The following CEP76 variants were observed in gnomAD, a reference collection of about 807,000 sequenced individuals.
CEP76 encodes centrosomal protein 76.
CEP76 carries 55 observed loss-of-function variants against 83.3 expected under a neutral mutation model. That is an observed-to-expected ratio of 0.66 (90% CI 0.53 to 0.83). CEP76 has a LOEUF of 0.83. Ranked by LOEUF, CEP76 falls within the 40% of genes least tolerant of loss-of-function variation. The pLI is 0.00. For synonymous variants in CEP76, 270 were observed against 274.5 expected (o/e 0.98, Z 0.16); for missense variants, 694 against 799.5 (o/e 0.87, Z 1.59).
At chr18:12,677,124 C>T (rs1427975903) in intron 10 of CEP76, among the ~76,000 whole-genome samples, 1 of 152,052 alleles carries the variant, frequency 6.6e-6, no homozygotes, top group Non-Finnish European at 1.5e-5. Context: ...TTCTTAAAAG[C>T]ACTTTACAAA....
rs1466331337 is a variant in CEP76, at chr18:12,678,117, G to A, written c.1615C>T (p.His539Tyr). 2 of 1,609,588 alleles carry A rather than the reference G, an allele frequency of 1.2e-6. No individual in the cohort carries two copies. Among genetic ancestry groups the A allele is most frequent in the East Asian group, 2.2e-5 (1 of 44,804 alleles). Residue 539 changes from histidine (H) to tyrosine (Y), a missense_variant, in exon 10 of 12, where the codon CAC (histidine) becomes TAC (tyrosine). Physicochemically the swap from His to Tyr is moderately conservative, Grantham distance 83. Coordinates refer to ENST00000262127, the MANE Select transcript of CEP76 (RefSeq NM_024899.4). ...ATTTCAGTGTGAATTACCTTCCTGT[G>A]TTCTGACACCAGGAGCCTCAGCTGC... is the stretch of plus-strand genomic sequence containing the variant. ...EMQLRLLVSE[H>Y]RKDLGLTTVW...
downstream of CEP76, among the ~76,000 whole-genome samples, chr18:12,672,407 C>T (rs73407561): frequency 9.4e-3 from 1,430 of 152,302 alleles, 25 homozygotes; most frequent in African/African-American, 0.033. Flanking sequence ...TAAACCACTA[C>T]GCCGAGCCTT....
downstream of CEP76, among the ~76,000 whole-genome samples, chr18:12,667,890 A>ATTTTTTT: frequency 6.8e-6 from 1 of 147,544 alleles, no homozygotes; most frequent in African/African-American, 2.5e-5. Flanking sequence ...AGAAAGCAGT[A>ATTTTTTT]AGGGAGAAAC....
At position 12,699,326 on chromosome 18, in the gene CEP76, A is replaced by G; in HGVS notation, c.296-123T>C. ...ATACCAAAGACTAAAAAAAAAGCAA[A>G]AGAGTAACAAATTTATTACTGTATA... On this transcript the variant is annotated intron_variant, in intron 3 of 11. Coordinates refer to ENST00000262127, the MANE Select transcript of CEP76 (RefSeq NM_024899.4). The G allele has an allele frequency of 4.6e-6, 3 of 653,080 alleles. No homozygotes were observed. In the South Asian group the frequency reaches 6.3e-5, roughly 14 times the overall value. 40.5% of individuals were successfully genotyped at this position (653,080 alleles called of 1,614,324 possible).
At chr18:12,669,415 A>AT (rs1041000290), downstream of CEP76, among the ~76,000 whole-genome samples, 3 of 151,300 alleles carry the variant, frequency 2.0e-5, no homozygotes, top group Non-Finnish European at 4.4e-5. Flanking sequence ...CCTGGCCCCA[A>AT]TTTTTTTTAT....
downstream of CEP76, among the ~76,000 whole-genome samples, chr18:12,668,461 CAT>C (rs950655995): frequency 2.0e-5 from 3 of 151,274 alleles, no homozygotes; most frequent in Admixed American, 1.3e-4. Context: ...ATTAGCTGGG[CAT>C]AGTGGTGTGC....
chr18:12,681,177 AAC>A (rs1160519476), intron 8 of CEP76, among the ~76,000 whole-genome samples: 5 of 151,394 alleles, frequency 3.3e-5, no homozygotes, highest in Non-Finnish European at 7.4e-5. Flanking sequence ...CAGCCTCAGC[AAC>A]AGAGTAAGAC....
At chr18:12,684,787 G>C (rs2039480827) in intron 8 of CEP76, 1 of 151,330 alleles carries the variant, frequency 6.6e-6, no homozygotes, top group South Asian at 2.1e-4. Context: ...CTGGCCTAAA[G>C]ATAGTTTTAC....
chr18:12,671,556 CTTTTTAAAGTTTACTT>C (rs932298758), downstream of CEP76, among the ~76,000 whole-genome samples: 53 of 149,508 alleles, frequency 3.5e-4, no homozygotes, highest in Admixed American at 4.0e-4. Context: ...AATTGCTACT[CTTTTTAAAGTTTACTT>C]TTGTTCACTT....
At position 12,673,412 on chromosome 18, in the gene CEP76, A is replaced by G. The variant is rs780012350; in HGVS notation, c.1933T>C (p.Cys645Arg). The change falls in exon 12 of 12, where the codon TGT becomes CGT. Residue 645 changes from cysteine to arginine, a missense_variant. Cys to Arg is a radical substitution (Grantham distance 180). Transcript: ENST00000262127. ...CAAGCAAACATGATCCAAACAGCAC[A>G]TGCAGATTCAGGGTAAGTAAATACT... The part of the protein sequence containing the change: ...VRVFTYPESA[C>R]AVWIMFACKY... The G allele has an allele frequency of 6.2e-7, 1 of 1,607,942 alleles. No individual in the cohort carries two copies.
intron 6 of CEP76, among the ~76,000 whole-genome samples, chr18:12,694,936 C>T (rs898399790): frequency 3.3e-5 from 5 of 151,646 alleles, no homozygotes; most frequent in South Asian, 4.2e-4. Context: ...AGGATGGTCA[C>T]GATCTCCTGA....
intron 7 of CEP76, among the ~76,000 whole-genome samples, chr18:12,689,962 T>C (rs1461525714): frequency 6.6e-6 from 1 of 152,198 alleles, no homozygotes; most frequent in African/African-American, 2.4e-5. Flanking sequence ...CTAATTTTTG[T>C]ATTTTTAGTA....
chr18:12,683,980 A>T (rs1412064025), intron 8 of CEP76, among the ~76,000 whole-genome samples: 1 of 150,480 alleles, frequency 6.6e-6, no homozygotes, highest in African/African-American at 2.4e-5. Context: ...TACAGTAAAA[A>T]ATCTAAATAT....
downstream of CEP76, among the ~76,000 whole-genome samples, chr18:12,671,646 T>C (rs868633391): frequency 9.8e-5 from 13 of 132,670 alleles, no homozygotes; most frequent in African/African-American, 3.7e-4. Flanking sequence ...CACTTTCTTT[T>C]TTTTTTTTTT....
chr18:12,680,052 CAAA>C (rs560841557), intron 9 of CEP76, among the ~76,000 whole-genome samples: 2 of 87,434 alleles, frequency 2.3e-5, no homozygotes, highest in Admixed American at 1.3e-4. Flanking sequence ...TGAGACACTG[CAAA>C]AAAAAAAAAA....
At position 12,677,422 on chromosome 18, in the gene CEP76, G is replaced by A. The variant is rs190955833; in HGVS notation, c.1623+687C>T. On this transcript the variant is annotated intron_variant, in intron 10 of 11. Transcript: ENST00000262127. Reference sequence around the variant, plus strand: ...CACTGTGCCAAGATCACGCCACTGCGCTCCAGCCTGGGTGACAGAGCGAGA... The same window carrying A: ...CACTGTGCCAAGATCACGCCACTGCACTCCAGCCTGGGTGACAGAGCGAGA... Among the ~76,000 whole-genome samples the A allele has an allele frequency of 5.1e-4, 69 of 136,506 alleles. 1 individual carries two copies. In the East Asian group the frequency reaches 0.015, roughly 29 times the overall value. 89.6% of individuals were successfully genotyped at this position (136,506 alleles called of 152,430 possible). A position where few individuals can be genotyped will look rare whatever the true frequency, so the allele number is the denominator to read the frequency against.
chr18:12,681,461 G>A (rs761193348), intron 8 of CEP76, among the ~76,000 whole-genome samples: 14 of 151,764 alleles, frequency 9.2e-5, no homozygotes, highest in Non-Finnish European at 2.1e-4. Context: ...TGTTACCCAG[G>A]CTGCTCTTGA....
In CEP76 at chr18:12,687,254, T is replaced by C. The variant is rs74876659; in HGVS notation, c.934-804A>G. 8.8e-3 allele frequency among the ~76,000 whole-genome samples: 1,338 copies of C among 152,278 alleles called. 26 individuals carry two copies. Among genetic ancestry groups the C allele is most frequent in the African/African-American group, 0.03 (1,231 of 41,538 alleles). ...ACCCAGCCAAAAGAAACACCATCTG[T>C]TTGAATTATCAGAACCACTGATGTC... is the stretch of plus-strand genomic sequence containing the variant. On this transcript the variant is annotated intron_variant, in intron 7 of 11. Transcript: ENST00000262127.
intron 11 of CEP76, among the ~76,000 whole-genome samples, 192 bp from the exon 12 acceptor site, chr18:12,673,695 C>A (rs549384161): frequency 6.6e-6 from 1 of 152,112 alleles, no homozygotes; most frequent in South Asian, 2.1e-4. Flanking sequence ...GCTTGGCCAA[C>A]ATAGTGAAAC....
Sources: allele counts gnomAD v4.1 joint callset (sites outside exome capture counted in the v4.1 genomes callset), GRCh38; gene constraint gnomAD v4.1.1; transcripts MANE v1.5; gene names NCBI Gene and HGNC (gene_info 2026-07-23, HGNC 2026-07-21).